The following LRRTM3 variants were observed in gnomAD, a reference collection of about 807,000 sequenced individuals.
The protein encoded by LRRTM3 is leucine rich repeat transmembrane neuronal 3.
In LRRTM3, 24 loss-of-function variants were observed where a neutral mutation model predicts 44.7. The observed-to-expected ratio is 0.54, with a 90% CI of 0.39 to 0.76. The LOEUF (loss-of-function observed/expected upper bound fraction) is 0.76. LRRTM3 is among the 30% of genes least tolerant of loss of function. The probability of loss-of-function intolerance (pLI) is 0.00; values close to 1 mark genes in which losing one functional copy is unlikely to be tolerated. For missense variants in LRRTM3, 587 were observed against 702.2 expected (o/e 0.84, Z 1.85); for synonymous variants, 277 against 278.7 (o/e 0.99, Z 0.06).
chr10:67,012,439 T>C (rs975130517), intron 2 of LRRTM3: 6 of 152,208 alleles, frequency 3.9e-5, no homozygotes, highest in African/African-American at 1.4e-4. Flanking sequence ...TAAATTGTTA[T>C]AGCTCACAAT....
At chr10:66,967,852 TGAG>T (rs1849521376) in intron 2 of LRRTM3, among the ~76,000 whole-genome samples, 4 of 152,080 alleles carry the variant, frequency 2.6e-5, no homozygotes, top group Admixed American at 2.6e-4. Context: ...TCTACAACAA[TGAG>T]TAGTTAATAG....
chr10:67,007,511 G>C (rs1490796791), intron 2 of LRRTM3, among the ~76,000 whole-genome samples: 3 of 151,740 alleles, frequency 2.0e-5, no homozygotes, highest in Non-Finnish European at 2.9e-5. Context: ...ACTGTAGGCA[G>C]TTCAACTGCC....
intron 2 of LRRTM3, among the ~76,000 whole-genome samples, chr10:66,963,606 C>A (rs927152877): frequency 2.0e-5 from 3 of 152,100 alleles, no homozygotes; most frequent in African/African-American, 7.2e-5. Context: ...ACTGGGTTCA[C>A]CCTAACCCTG....
At chr10:66,932,745 C>A (rs1274261939) in intron 2 of LRRTM3, among the ~76,000 whole-genome samples, 2 of 152,104 alleles carry the variant, frequency 1.3e-5, no homozygotes, top group Non-Finnish European at 2.9e-5. Flanking sequence ...CTTTCCTAAT[C>A]ATAATAGCCT....
chr10:66,952,707 C>T (rs1304000400), intron 2 of LRRTM3, among the ~76,000 whole-genome samples: 1 of 151,994 alleles, frequency 6.6e-6, no homozygotes, highest in African/African-American at 2.4e-5. Flanking sequence ...TATAATCTGA[C>T]TTGCAATTAT....
intron 2 of LRRTM3, among the ~76,000 whole-genome samples, chr10:67,020,015 CA>C (rs34565225): frequency 0.9 from 137,190 of 152,154 alleles, 62,287 homozygotes; most frequent in South Asian, 0.97. Flanking sequence ...ATACCAATAT[CA>C]ACTGCTTTCC....
At position 66,926,597 on chromosome 10, in the gene LRRTM3, G is replaced by T; in HGVS notation, c.4+10G>T. 6.2e-7 allele frequency: 1 copy of T among 1,613,782 alleles called. No homozygotes were observed. Among genetic ancestry groups the T allele is most frequent in the Non-Finnish European group, 8.5e-7 (1 of 1,179,932 alleles). ...ACAATACAAAGGATGGGTATGTTTT[G>T]TCATTTTTCTTCTTTCCTTCTTAAA... On this transcript the variant is annotated intron_variant, in intron 1 of 2. Coordinates refer to ENST00000361320, the MANE Select transcript of LRRTM3 (RefSeq NM_178011.5).
At chr10:67,056,017 T>C (rs74141778) in intron 2 of LRRTM3, among the ~76,000 whole-genome samples, 1 of 152,110 alleles carries the variant, frequency 6.6e-6, no homozygotes, top group Non-Finnish European at 1.5e-5. Flanking sequence ...TTTTGCCACA[T>C]GTAATATATG....
At chr10:66,939,895 C>G (rs562102576) in intron 2 of LRRTM3, among the ~76,000 whole-genome samples, 1 of 152,266 alleles carries the variant, frequency 6.6e-6, no homozygotes, top group East Asian at 1.9e-4. Context: ...AACTGCAATC[C>G]TCAAGTTCTC....
rs963496966 is a variant in LRRTM3 at position 67,015,808 on chromosome 10, C to T, written c.1537-81779C>T. 5.3e-5 allele frequency among the ~76,000 whole-genome samples: 8 copies of T among 151,814 alleles called. No homozygotes were observed. In the South Asian group the frequency reaches 6.2e-4, roughly 12 times the overall value. ...TGTTGTCTCTCTTTTCCCTGTCTTC[C>T]GTATCTTTCTTCATTATAAAAACTT... On this transcript the variant is annotated intron_variant, in intron 2 of 2. Coordinates refer to ENST00000361320, the MANE Select transcript of LRRTM3 (RefSeq NM_178011.5).
intron 2 of LRRTM3, among the ~76,000 whole-genome samples, chr10:67,021,348 C>T (rs917735941): frequency 2.0e-5 from 3 of 151,946 alleles, no homozygotes; most frequent in Non-Finnish European, 4.4e-5. Flanking sequence ...CACTTGTATA[C>T]AATCAGTGAA....
At chr10:67,088,520 G>T (rs1053614670) in intron 2 of LRRTM3, among the ~76,000 whole-genome samples, 5 of 151,812 alleles carry the variant, frequency 3.3e-5, no homozygotes, top group African/African-American at 1.2e-4. Flanking sequence ...GACTCTCCCT[G>T]TTACTTAGAT....
intron 2 of LRRTM3, among the ~76,000 whole-genome samples, chr10:67,017,727 G>A (rs112624487): frequency 0.017 from 1,704 of 98,324 alleles, 30 homozygotes; most frequent in African/African-American, 0.07. Context: ...AAAATCATCT[G>A]TGTGTGTGTG....
rs539313581 is a variant in LRRTM3 at position 66,958,604 on chromosome 10, A to G, written c.1536+30152A>G. Among the ~76,000 whole-genome samples the G allele has an allele frequency of 7.2e-5, 11 of 152,074 alleles. No homozygotes were observed. In the South Asian group the frequency reaches 2.1e-3, roughly 29 times the overall value. On this transcript the variant is annotated intron_variant, in intron 2 of 2. Coordinates refer to ENST00000361320, the MANE Select transcript of LRRTM3 (RefSeq NM_178011.5). ...AGCGAATCCTGCCATTTTATTAAAT[A>G]CTTACAGAAAACAAAAGCAAAGCAA...
chr10:67,000,961 C>T (rs10997477), intron 2 of LRRTM3, among the ~76,000 whole-genome samples: 47,440 of 151,624 alleles, frequency 0.31, 7,732 homozygotes, highest in Middle Eastern at 0.49. Flanking sequence ...AAATAAAATG[C>T]GAAAGTAGAG....
At chr10:66,995,120 T>C (rs1564819124) in intron 2 of LRRTM3, among the ~76,000 whole-genome samples, 2 of 152,154 alleles carry the variant, frequency 1.3e-5, no homozygotes, top group Non-Finnish European at 2.9e-5. Context: ...TGAGGTGTCA[T>C]TGCTTGAATG....
intron 2 of LRRTM3, among the ~76,000 whole-genome samples, chr10:66,983,592 C>T (rs1229957191): frequency 6.6e-6 from 1 of 152,020 alleles, no homozygotes; most frequent in Non-Finnish European, 1.5e-5. Flanking sequence ...TTATTTTGTA[C>T]AACATCAAAC....
chr10:67,023,909 G>A (rs1853187171), intron 2 of LRRTM3, among the ~76,000 whole-genome samples: 1 of 152,084 alleles, frequency 6.6e-6, no homozygotes, highest in Non-Finnish European at 1.5e-5. Context: ...GAAATTCATG[G>A]GTAAGAAGTT....
rs1389222187 is a variant in LRRTM3, at chr10:67,003,459, G to T, written c.1536+75007G>T. On this transcript the variant is annotated intron_variant, in intron 2 of 2. Transcript: ENST00000361320. ...TATTGCTCAAAAAAATCAGAGTGCGGAGAGGTTCCAAGATCGAATACTTTT... is the reference window on the plus strand; with the variant it reads ...TATTGCTCAAAAAAATCAGAGTGCGTAGAGGTTCCAAGATCGAATACTTTT... Among the ~76,000 whole-genome samples the T allele has an allele frequency of 2.0e-5, 3 of 152,238 alleles. No homozygotes were observed. The East Asian group carries it at 5.8e-4, about 29-fold the overall frequency.
Sources: allele counts gnomAD v4.1 joint callset (sites outside exome capture counted in the v4.1 genomes callset), GRCh38; gene constraint gnomAD v4.1.1; transcripts MANE v1.5; gene names NCBI Gene and HGNC (gene_info 2026-07-23, HGNC 2026-07-21).